Variants in KANSL3 observed in about 807,000 individuals in gnomAD.
KANSL3 encodes the protein KAT8 regulatory NSL complex subunit 3.
Under a neutral mutation model 89.2 loss-of-function variants are expected in KANSL3, and 16 were observed. That is an observed-to-expected ratio of 0.18 (90% confidence interval 0.12 to 0.27). The LOEUF is 0.27. Ranked by LOEUF, KANSL3 falls within the 10% of genes least tolerant of loss-of-function variation. The probability of loss-of-function intolerance (pLI) is 1.00; values close to 1 mark genes in which losing one functional copy is unlikely to be tolerated. For synonymous variants in KANSL3, 385 were observed against 419.7 expected (o/e 0.92, Z 1.01); for missense variants, 879 against 1,110.6 (o/e 0.79, Z 2.96).
chr2:96,590,987 AAAAACAAAAC>A (rs61301801), downstream of KANSL3, among the ~76,000 whole-genome samples: 1,060 of 151,564 alleles, frequency 7.0e-3, 12 homozygotes, highest in African/African-American at 0.017. Flanking sequence ...CTCCGTCTCA[AAAAACAAAAC>A]AAAACAAAAC....
In KANSL3 at chr2:96,637,146, G is replaced by C. The variant is rs945933764; in HGVS notation, c.-11C>G. ...ACCCCGGTGGGCCATGTCAGTGGAG[G>C]GGCAGAAAGTCAGAGCATGGGTATC... On this transcript the variant is annotated 5_prime_UTR_variant, in exon 2 of 21. Coordinates refer to ENST00000431828, the MANE Select transcript of KANSL3 (RefSeq NM_001115016.3). 1.3e-6 allele frequency: 2 copies of C among 1,541,784 alleles called. No homozygotes were observed. The highest frequency in any genetic ancestry group is 2.7e-5 in the African/African-American group (2 of 72,810).
intron 20 of KANSL3, among the ~76,000 whole-genome samples, chr2:96,597,162 A>G (rs1323186731): frequency 6.6e-6 from 1 of 152,250 alleles, no homozygotes; most frequent in African/African-American, 2.4e-5. Context: ...TTAAAATCCT[A>G]ACAATACCAT....
downstream of KANSL3, among the ~76,000 whole-genome samples, chr2:96,590,803 G>A (rs1468945576): frequency 2.0e-5 from 3 of 151,976 alleles, no homozygotes; most frequent in Non-Finnish European, 4.4e-5. Flanking sequence ...AGCCAACATG[G>A]TGAAACCCTG....
chr2:96,610,506 G>A (rs1329375255), intron 11 of KANSL3: 4 of 375,410 alleles, frequency 1.1e-5, no homozygotes, highest in East Asian at 9.6e-5. Flanking sequence ...TAGTAGAGAC[G>A]GGGTTTCACC....
chr2:96,596,573 G>T (rs1332166911), intron 20 of KANSL3, among the ~76,000 whole-genome samples: 1 of 152,234 alleles, frequency 6.6e-6, no homozygotes, highest in East Asian at 1.9e-4. Context: ...TTGGGAGGCT[G>T]AGGTGGGAAG....
chr2:96,627,813 C>T lies in KANSL3; in HGVS notation c.386+3499G>A, dbSNP rs544580136. The T allele has an allele frequency of 3.4e-6, 3 of 878,990 alleles. No homozygotes were observed. The South Asian group carries it at 4.2e-5, about 12-fold the overall frequency. The allele number at this position is 878,990 out of a possible 1,614,324, so 54.4% of individuals were successfully genotyped here. ...ATCAGAGCAGAAGGAACTGCAAGCT[C>T]CAAACAGGCTACAGATTCAGGGACA... On this transcript the variant is annotated intron_variant, in intron 3 of 20. Transcript: ENST00000431828.
chr2:96,588,800 G>A (rs2066257058), downstream of KANSL3, among the ~76,000 whole-genome samples: 1 of 152,070 alleles, frequency 6.6e-6, no homozygotes, highest in South Asian at 2.1e-4. Flanking sequence ...CACCATGTTG[G>A]CCAAGCTAGT....
chr2:96,628,428 A>T (rs761750791), intron 3 of KANSL3: 7 of 249,992 alleles, frequency 2.8e-5, no homozygotes, highest in South Asian at 7.3e-5. Context: ...AGGTGGGCAG[A>T]CCACTTGAGC....
chr2:96,584,108 C>T, the KANSL3 span, among the ~76,000 whole-genome samples: 1 of 152,156 alleles, frequency 6.6e-6, no homozygotes, highest in Non-Finnish European at 1.5e-5. Context: ...TGTGTGTCCT[C>T]GGTCAAATAC....
At chr2:96,624,980 CG>C (rs1214745199) in intron 3 of KANSL3, among the ~76,000 whole-genome samples, 1 of 151,976 alleles carries the variant, frequency 6.6e-6, no homozygotes, top group African/African-American at 2.4e-5. Flanking sequence ...CCAAGGAGGG[CG>C]GATCACCTGA....
intron 20 of KANSL3, among the ~76,000 whole-genome samples, chr2:96,595,933 G>A (rs1437351402): frequency 5.9e-5 from 9 of 152,148 alleles, no homozygotes; most frequent in Non-Finnish European, 1.3e-4. Context: ...TCACCGTAAG[G>A]ATTAAATGAA....
chr2:96,633,942 G>C (rs897317467), intron 2 of KANSL3, among the ~76,000 whole-genome samples: 1 of 152,186 alleles, frequency 6.6e-6, no homozygotes, highest in Non-Finnish European at 1.5e-5. Context: ...TACACGTGGC[G>C]GCAGTTACCA....
chr2:96,609,026 A>G lies in KANSL3; in HGVS notation c.1422T>C (p.Arg474=). The change falls in exon 13 of 21, where the codon CGT becomes CGC. Residue 474 remains arginine, a synonymous_variant. Coordinates refer to ENST00000431828, the MANE Select transcript of KANSL3 (RefSeq NM_001115016.3). ...GTTCAGAGCCCATGTGACCCTCAGC[A>G]CGAGTGAGCACTCCAGTCAGAAAGT... ...IVDFLTGVLT[R]AEGHMGSEPR... 6.4e-7 allele frequency: 1 copy of G among 1,564,876 alleles called. No individual in the cohort carries two copies. Among genetic ancestry groups the G allele is most frequent in the South Asian group, 1.2e-5 (1 of 84,778 alleles).
At chr2:96,618,390 A>G (rs1459576106) in intron 5 of KANSL3, among the ~76,000 whole-genome samples, 2 of 152,048 alleles carry the variant, frequency 1.3e-5, no homozygotes, top group South Asian at 2.1e-4. Context: ...AGGTCTTGCT[A>G]TGTTGCTCAG....
downstream of KANSL3, among the ~76,000 whole-genome samples, chr2:96,590,109 A>T (rs1434382618): frequency 6.6e-6 from 1 of 152,106 alleles, no homozygotes; most frequent in African/African-American, 2.4e-5. Context: ...GTGAGCCAAG[A>T]TTGCGCATTG....
At chr2:96,621,939 C>T (rs1171300387) in intron 3 of KANSL3, among the ~76,000 whole-genome samples, 1 of 151,818 alleles carries the variant, frequency 6.6e-6, no homozygotes, top group Admixed American at 6.6e-5. Flanking sequence ...CACAGTGAAA[C>T]CCTGTCTCTA....
At chr2:96,623,511 CAACT>C (rs1347160200) in intron 3 of KANSL3, among the ~76,000 whole-genome samples, 2 of 152,112 alleles carry the variant, frequency 1.3e-5, no homozygotes, top group Admixed American at 6.5e-5. Flanking sequence ...TCACTTTGTA[CAACT>C]ATCTAAATGT....
At chr2:96,626,933 T>C (rs528178600) in intron 3 of KANSL3, among the ~76,000 whole-genome samples, 1 of 152,348 alleles carries the variant, frequency 6.6e-6, no homozygotes, top group Non-Finnish European at 1.5e-5. Context: ...CAGCCATGGA[T>C]AATACCTAAT....
At chr2:96,633,668 C>T (rs961621832) in intron 2 of KANSL3, among the ~76,000 whole-genome samples, 3 of 151,750 alleles carry the variant, frequency 2.0e-5, no homozygotes, top group African/African-American at 7.3e-5. Flanking sequence ...GAGTTTGCAA[C>T]CAGCCTGGGC....
Sources: allele counts gnomAD v4.1 joint callset (sites outside exome capture counted in the v4.1 genomes callset), GRCh38; gene constraint gnomAD v4.1.1; transcripts MANE v1.5; gene names NCBI Gene and HGNC (gene_info 2026-07-23, HGNC 2026-07-21).